STAG1: variants seen among roughly 807,000 people sequenced by gnomAD.
STAG1 encodes STAG1 cohesin complex component, also known as cohesin subunit SA-1.
A neutral mutation model predicts 170.9 loss-of-function variants in STAG1; 26 were observed. The ratio of observed to expected loss-of-function variants is 0.15; its 90% CI spans 0.11 to 0.21. The LOEUF (loss-of-function observed/expected upper bound fraction) is 0.21, where lower values mean the gene tolerates loss of function less well. STAG1 is among the 10% of genes least tolerant of loss of function. The pLI is 1.00. For synonymous variants in STAG1, 514 were observed against 497.7 expected (o/e 1.03, Z -0.44); for missense variants, 964 against 1,509.5 (o/e 0.64, Z 5.99).
chr3:136,520,560 A>C (rs1415221321), intron 7 of STAG1, among the ~76,000 whole-genome samples: 2 of 152,108 alleles, frequency 1.3e-5, no homozygotes, highest in African/African-American at 4.8e-5. Context: ...CAATTGCTAA[A>C]ATAAGAAAAT....
At chr3:136,417,836 A>G in intron 21 of STAG1, 49 bp downstream of exon 21, 2 of 1,479,236 alleles carry the variant, frequency 1.4e-6, no homozygotes, top group East Asian at 2.3e-5. Flanking sequence ...ATGACTTCAG[A>G]AAAACAACTT....
intron 12 of STAG1, among the ~76,000 whole-genome samples, chr3:136,471,607 G>C (rs2089630132): frequency 6.6e-6 from 1 of 152,114 alleles, no homozygotes; most frequent in Non-Finnish European, 1.5e-5. Context: ...GGGAGAGGAG[G>C]ATTTGTTATG....
intron 3 of STAG1, among the ~76,000 whole-genome samples, chr3:136,613,981 G>C (rs1939447605): frequency 6.6e-6 from 1 of 152,122 alleles, no homozygotes; most frequent in African/African-American, 2.4e-5. Flanking sequence ...TTGGGAGGCT[G>C]ATGCGGATGG....
chr3:136,606,525 T>C (rs1368499729), intron 3 of STAG1, among the ~76,000 whole-genome samples: 1 of 152,166 alleles, frequency 6.6e-6, no homozygotes, highest in Non-Finnish European at 1.5e-5. Flanking sequence ...CCTTTTGGTC[T>C]AGGAGTCCAT....
chr3:136,506,175 G>A lies in STAG1; in HGVS notation c.677-3396C>T, dbSNP rs558833639. ...TATAGGACAGTAAAACTGGAAGAAG[G>A]GAGACTAAATAGGAGCAGTGAGGCA... On this transcript the variant is annotated intron_variant, in intron 7 of 33. Coordinates refer to ENST00000383202, the MANE Select transcript of STAG1 (RefSeq NM_005862.3). Among the ~76,000 whole-genome samples, 13 of 152,228 alleles carry A rather than the reference G, an allele frequency of 8.5e-5. No homozygotes were observed. In the South Asian group the frequency reaches 2.7e-3, roughly 32 times the overall value.
intron 1 of STAG1, among the ~76,000 whole-genome samples, chr3:136,635,325 C>A (rs1940509878): frequency 6.6e-6 from 1 of 151,986 alleles, no homozygotes; most frequent in Non-Finnish European, 1.5e-5. Flanking sequence ...ATTCAAAAAT[C>A]AATTAATATA....
chr3:136,442,429 T>C (rs915975517), intron 15 of STAG1, among the ~76,000 whole-genome samples: 1 of 152,206 alleles, frequency 6.6e-6, no homozygotes, highest in East Asian at 1.9e-4. Flanking sequence ...ACAATCTCTT[T>C]ATTAGGTATA....
At chr3:136,635,951 T>A (rs1263066977) in intron 1 of STAG1, among the ~76,000 whole-genome samples, 1 of 152,060 alleles carries the variant, frequency 6.6e-6, no homozygotes, top group Non-Finnish European at 1.5e-5. Flanking sequence ...AAAATTGTAA[T>A]GTAAGAAATC....
intron 21 of STAG1, among the ~76,000 whole-genome samples, chr3:136,413,821 A>G (rs2087697364): frequency 6.6e-6 from 1 of 152,202 alleles, no homozygotes; most frequent in South Asian, 2.1e-4. Flanking sequence ...AAGATAAATC[A>G]CTAGGAGGAG....
At chr3:136,535,496 C>T (rs1935575128) in intron 6 of STAG1, among the ~76,000 whole-genome samples, 1 of 152,156 alleles carries the variant, frequency 6.6e-6, no homozygotes, top group South Asian at 2.1e-4. Context: ...AACTTTGTCT[C>T]TACTAAAAAT....
chr3:136,645,685 C>T (rs909432114), intron 1 of STAG1, among the ~76,000 whole-genome samples: 3 of 152,248 alleles, frequency 2.0e-5, no homozygotes, highest in Non-Finnish European at 2.9e-5. Flanking sequence ...GCTCAACTAT[C>T]TGGAACATAG....
At chr3:136,513,111 T>G (rs1934158644) in intron 7 of STAG1, among the ~76,000 whole-genome samples, 1 of 151,960 alleles carries the variant, frequency 6.6e-6, no homozygotes, top group Non-Finnish European at 1.5e-5. Flanking sequence ...CTCCCAGCCC[T>G]TTGGGAGGCC....
intron 1 of STAG1, among the ~76,000 whole-genome samples, chr3:136,644,307 A>G (rs1425092994): frequency 6.6e-6 from 1 of 152,222 alleles, no homozygotes; most frequent in Non-Finnish European, 1.5e-5. Flanking sequence ...AAATTAGGGG[A>G]AGAACAAGTT....
intron 1 of STAG1, among the ~76,000 whole-genome samples, chr3:136,736,087 G>A (rs1934317061): frequency 6.6e-6 from 1 of 152,194 alleles, no homozygotes; most frequent in African/African-American, 2.4e-5. Context: ...GGCTTCCTAA[G>A]GTGCCCCTTC....
intron 1 of STAG1, among the ~76,000 whole-genome samples, chr3:136,682,410 G>C (rs1415618644): frequency 1.3e-5 from 2 of 150,568 alleles, no homozygotes; most frequent in African/African-American, 4.9e-5. Context: ...GGGCAACAGA[G>C]TGGGACTCTG....
At chr3:136,417,803 T>C (rs756260891) in intron 21 of STAG1, 82 bp downstream of exon 21, 5 of 1,014,036 alleles carry the variant, frequency 4.9e-6, no homozygotes, top group Admixed American at 3.7e-5. Flanking sequence ...AATTACTTTC[T>C]ATAAAAGGCT....
chr3:136,546,329 A>G (rs1936153642), intron 5 of STAG1, among the ~76,000 whole-genome samples: 1 of 152,212 alleles, frequency 6.6e-6, no homozygotes, highest in Admixed American at 6.5e-5. Context: ...CCTGTGGCAC[A>G]TGGACTCCAA....
At chr3:136,423,236 G>C (rs1370221149) in intron 16 of STAG1, among the ~76,000 whole-genome samples, 192 bp from the exon 17 acceptor site, 1 of 152,082 alleles carries the variant, frequency 6.6e-6, no homozygotes, top group Admixed American at 6.6e-5. Context: ...AACAGCTAAA[G>C]TCTGGGCGAA....
chr3:136,716,069 G>C (rs1373237022), intron 1 of STAG1, among the ~76,000 whole-genome samples: 3 of 152,108 alleles, frequency 2.0e-5, no homozygotes, highest in African/African-American at 7.2e-5. Flanking sequence ...CTGCACTCCA[G>C]TGTGGGCGAC....
Sources: allele counts gnomAD v4.1 joint callset (sites outside exome capture counted in the v4.1 genomes callset), GRCh38; gene constraint gnomAD v4.1.1; transcripts MANE v1.5; gene names NCBI Gene and HGNC (gene_info 2026-07-23, HGNC 2026-07-21).